Variants in USH1C observed in about 807,000 individuals in gnomAD.
USH1C encodes the protein USH1 protein network component harmonin, also known as harmonin.
A neutral mutation model predicts 119.3 loss-of-function variants in USH1C; 90 were observed. The ratio of observed to expected loss-of-function variants is 0.75; its 90% CI spans 0.64 to 0.90. USH1C has a LOEUF of 0.90. USH1C is among the 40% of genes least tolerant of loss of function. The probability of loss-of-function intolerance (pLI) is 0.00; values close to 1 mark genes in which losing one functional copy is unlikely to be tolerated. For missense variants in USH1C, 1,165 were observed against 1,167.7 expected, an observed-to-expected ratio of 1.00 and a Z score of 0.03; for synonymous variants, 465 against 443.3, an observed-to-expected ratio of 1.05 and a Z score of -0.62.
rs1220473727 is a variant in USH1C at position 17,526,943 on chromosome 11, GC to G, written c.521+72del. ...CAGAAGCAGGGCTGGCATGGTGGGA[GC>G]CGGACCCCAGGGCTGTACCAGGATC... On this transcript the variant is annotated intron_variant, in intron 6 of 26. Coordinates refer to ENST00000005226, the MANE Select transcript of USH1C (RefSeq NM_153676.4). 8 of 1,566,008 alleles carry G rather than the reference GC, an allele frequency of 5.1e-6. No homozygotes were observed. In the East Asian group the frequency reaches 1.9e-4, roughly 37 times the overall value.
rs61880350 is a variant in USH1C, at chr11:17,536,144, G to A, written c.37-2822C>T. 7.2e-3 allele frequency among the ~76,000 whole-genome samples: 1,092 copies of A among 152,298 alleles called. 10 individuals are homozygous for A. The highest frequency in any genetic ancestry group is 0.011 in the Non-Finnish European group (755 of 68,026). On this transcript the variant is annotated intron_variant, in intron 1 of 26. Transcript: ENST00000005226. ...GAATGACTCTTTGAACCCAAGTGTT[G>A]TACTTTCTAAGGGGAGCATAAAAAT...
At position 17,526,747 on chromosome 11, in the gene USH1C, C is replaced by T. The variant is rs1217356382; in HGVS notation, c.579+6G>A. The T allele has an allele frequency of 6.2e-7, 1 of 1,613,820 alleles. No individual in the cohort carries two copies. Among genetic ancestry groups the T allele is most frequent in the Non-Finnish European group, 8.5e-7 (1 of 1,179,882 alleles). ...CAAACCCCATCACAGGAGGTCTGGC[C>T]CTTACCCCAGATTCCGACACAAACT... is the stretch of plus-strand genomic sequence containing the variant. On this transcript the variant is annotated splice_donor_region_variant and intron_variant, in intron 7 of 26. Coordinates refer to ENST00000005226, the MANE Select transcript of USH1C (RefSeq NM_153676.4).
In USH1C at chr11:17,523,482, G is replaced by A. The variant is rs374167444; in HGVS notation, c.760-4C>T. On this transcript the variant is annotated splice_polypyrimidine_tract_variant and splice_region_variant and intron_variant, in intron 9 of 26. Transcript: ENST00000005226. Reference sequence around the variant, plus strand: ...CTTCGACAATCTGGTCCCCTATCTGGTGGGGAAATGGAGAAAGATTAGTGT... The same window carrying A: ...CTTCGACAATCTGGTCCCCTATCTGATGGGGAAATGGAGAAAGATTAGTGT... The A allele has an allele frequency of 4.6e-5, 74 of 1,614,008 alleles. No individual in the cohort carries two copies. Among genetic ancestry groups the A allele is most frequent in the Non-Finnish European group, 6.1e-5 (72 of 1,179,980 alleles).
Position 17,524,552 on chromosome 11 carries a change from A to G in USH1C, c.675-17T>C. On this transcript the variant is annotated splice_polypyrimidine_tract_variant and intron_variant, in intron 8 of 26. Transcript: ENST00000005226. ...CTGGAAATGCTGCGGGAGGTGGGAA[A>G]TGTGTGCTCGGGATTCAGGTAACCC... 1 of 1,553,786 alleles carries G rather than the reference A, an allele frequency of 6.4e-7. No individual in the cohort carries two copies.
intron 7 of USH1C, 141 bp from the exon 8 acceptor site, chr11:17,526,582 C>A (rs1850685866): frequency 3.5e-6 from 4 of 1,128,042 alleles, no homozygotes; most frequent in Non-Finnish European, 5.2e-6. Flanking sequence ...GTGTCTGCAC[C>A]AGCTGGGCCT....
At chr11:17,515,340 T>C (rs1303551494) in intron 15 of USH1C, among the ~76,000 whole-genome samples, 1 of 152,258 alleles carries the variant, frequency 6.6e-6, no homozygotes, top group African/African-American at 2.4e-5. Context: ...AGGAAAAATA[T>C]TACTGTTTGT....
intron 4 of USH1C, among the ~76,000 whole-genome samples, chr11:17,529,655 G>C (rs954383872): frequency 9.2e-5 from 14 of 152,218 alleles, no homozygotes; most frequent in African/African-American, 3.4e-4. Flanking sequence ...CCCTGGCTCA[G>C]GTTGCAGGAT....
rs553180744 is a variant in USH1C, at chr11:17,501,290, G to T, written c.2281-140C>A. 20 of 1,036,252 alleles carry T rather than the reference G, an allele frequency of 1.9e-5. No individual in the cohort carries two copies. In the South Asian group the frequency reaches 2.7e-4, roughly 14 times the overall value. 64.2% of individuals were successfully genotyped at this position (1,036,252 alleles called of 1,614,324 possible). A position where few individuals can be genotyped will look rare whatever the true frequency, so the allele number is the denominator to read the frequency against. On this transcript the variant is annotated intron_variant, in intron 22 of 26. Transcript: ENST00000005226. ...ACCGGCAGTGCCATCTGGAGAAAACGCAGCCTTGGTGCCAAGTGGGGCCTG... is the reference window on the plus strand; with the variant it reads ...ACCGGCAGTGCCATCTGGAGAAAACTCAGCCTTGGTGCCAAGTGGGGCCTG...
intron 2 of USH1C, among the ~76,000 whole-genome samples, chr11:17,532,556 T>G (rs1351088028): frequency 1.3e-5 from 2 of 152,158 alleles, no homozygotes; most frequent in Non-Finnish European, 2.9e-5. Context: ...TGCCTCAGCT[T>G]CTCAAAGTTC....
At chr11:17,525,627 G>C (rs988129819) in intron 8 of USH1C, among the ~76,000 whole-genome samples, 1 of 152,160 alleles carries the variant, frequency 6.6e-6, no homozygotes, top group Non-Finnish European at 1.5e-5. Flanking sequence ...TCTGAGTAAC[G>C]GTGGCACCTG....
chr11:17,506,377 C>G (rs541420524), intron 18 of USH1C, among the ~76,000 whole-genome samples: 2 of 152,314 alleles, frequency 1.3e-5, no homozygotes, highest in South Asian at 4.1e-4. Context: ...CACATAGTCT[C>G]TAGGGGCCAT....
rs1591949314 is a variant in USH1C, at chr11:17,494,016, T to G, written c.*316A>C. On this transcript the variant is annotated 3_prime_UTR_variant, in exon 27 of 27. Coordinates refer to ENST00000005226, the MANE Select transcript of USH1C (RefSeq NM_153676.4). Reference sequence around the variant, plus strand: ...TGGAGAGAGAGAGACTCCAGTGGGGTCTTATTAGGGTTCAAGGAAGGAGTC... The same window carrying G: ...TGGAGAGAGAGAGACTCCAGTGGGGGCTTATTAGGGTTCAAGGAAGGAGTC... 2.2e-6 allele frequency: 1 copy of G among 447,052 alleles called. No individual in the cohort carries two copies. The highest frequency in any genetic ancestry group is 2.3e-5 in the South Asian group (1 of 44,394). 27.7% of individuals were successfully genotyped at this position (447,052 alleles called of 1,614,324 possible).
chr11:17,509,013 T>C (rs535646690), intron 18 of USH1C, among the ~76,000 whole-genome samples: 1 of 152,212 alleles, frequency 6.6e-6, no homozygotes, highest in Non-Finnish European at 1.5e-5. Context: ...GACAGAGTGC[T>C]GGCTATTCAT....
chr11:17,527,122 CCGCCCT>C, intron 5 of USH1C, 82 bp from the exon 6 acceptor site: 56 of 929,612 alleles, frequency 6.0e-5, no homozygotes, highest in Middle Eastern at 9.8e-4. Flanking sequence ...ACCTGCTCCC[CCGCCCT>C]CCCTCCCTCC....
intron 4 of USH1C, among the ~76,000 whole-genome samples, chr11:17,528,785 G>C (rs1455011842): frequency 6.6e-6 from 1 of 152,212 alleles, no homozygotes. Context: ...GAGTGGCCAA[G>C]GGCTCAAAAT....
At chr11:17,519,701 TGA>T (rs1442472591) in intron 14 of USH1C, among the ~76,000 whole-genome samples, 1 of 152,186 alleles carries the variant, frequency 6.6e-6, no homozygotes, top group African/African-American at 2.4e-5. Flanking sequence ...GGGAGGCTGA[TGA>T]GAGTGTGCTT....
chr11:17,494,452 C>A, intron 26 of USH1C, 76 bp from the exon 27 acceptor site: 2 of 1,507,498 alleles, frequency 1.3e-6, no homozygotes, highest in South Asian at 1.2e-5. Flanking sequence ...AGCAAGGCCC[C>A]ACAAGGGGGA....
At position 17,519,321 on chromosome 11, in the gene USH1C, G is replaced by A. The variant is rs147279978; in HGVS notation, c.1210+1549C>T. 2.1e-4 allele frequency among the ~76,000 whole-genome samples: 32 copies of A among 152,340 alleles called. 1 individual carries two copies. The highest frequency in any genetic ancestry group is 3.8e-4 in the African/African-American group (16 of 41,588). On this transcript the variant is annotated intron_variant, in intron 14 of 26. Coordinates refer to ENST00000005226, the MANE Select transcript of USH1C (RefSeq NM_153676.4). ...AGCTGTCCCAGCTCAGCGGGCAGGC[G>A]GGGGTCATCCATCCTGTGCTTTGTG...
intron 18 of USH1C, 46 bp from the exon 19 acceptor site, chr11:17,505,995 T>G (rs1009316193): frequency 1.2e-6 from 2 of 1,613,388 alleles, no homozygotes; most frequent in African/African-American, 2.7e-5. Context: ...CATGGTGGGG[T>G]GGCCAAGGCC....
Sources: allele counts gnomAD v4.1 joint callset (sites outside exome capture counted in the v4.1 genomes callset), GRCh38; gene constraint gnomAD v4.1.1; transcripts MANE v1.5; gene names NCBI Gene and HGNC (gene_info 2026-07-23, HGNC 2026-07-21).